PPP2R2B: variants seen among roughly 807,000 people sequenced by gnomAD.
The protein encoded by PPP2R2B is serine/threonine-protein phosphatase 2A 55 kDa regulatory subunit B beta isoform.
A neutral mutation model predicts 46.0 loss-of-function variants in PPP2R2B; 5 were observed. That is an observed-to-expected ratio of 0.11 (90% CI 0.06 to 0.23). The LOEUF (loss-of-function observed/expected upper bound fraction) is 0.23, where lower values mean the gene tolerates loss of function less well. Ranked by LOEUF, PPP2R2B falls within the 10% of genes least tolerant of loss-of-function variation. The pLI is 1.00. For synonymous variants in PPP2R2B, 215 were observed against 206.7 expected, an observed-to-expected ratio of 1.04 and a Z score of -0.34; for missense variants, 367 against 575.0, an observed-to-expected ratio of 0.64 and a Z score of 3.70.
chr5:146,785,661 A>G lies in PPP2R2B; in HGVS notation c.71-84519T>C, dbSNP rs186178289. ...CAAAGGCAAGCAACGGAACTAAAATAATAACTAGCAAAAATCAGAATGGAG... is the reference window on the plus strand; with the variant it reads ...CAAAGGCAAGCAACGGAACTAAAATGATAACTAGCAAAAATCAGAATGGAG... On this transcript the variant is annotated intron_variant, in intron 2 of 9. Transcript: ENST00000394411. 5.9e-5 allele frequency among the ~76,000 whole-genome samples: 9 copies of G among 152,366 alleles called. No individual in the cohort carries two copies. In the East Asian group the frequency reaches 1.5e-3, roughly 26 times the overall value.
chr5:146,654,142 T>G (rs1776168038), intron 5 of PPP2R2B, among the ~76,000 whole-genome samples: 2 of 152,184 alleles, frequency 1.3e-5, no homozygotes, highest in African/African-American at 4.8e-5. Context: ...GAGCTTCTTG[T>G]GCCAGTCACT....
chr5:146,807,267 C>T (rs1757232995), intron 2 of PPP2R2B, among the ~76,000 whole-genome samples: 1 of 152,176 alleles, frequency 6.6e-6, no homozygotes, highest in African/African-American at 2.4e-5. Flanking sequence ...ACATCTATTT[C>T]ATGAGACAGT....
chr5:146,792,358 C>G (rs949846038), intron 2 of PPP2R2B, among the ~76,000 whole-genome samples: 6 of 152,184 alleles, frequency 3.9e-5, no homozygotes, highest in African/African-American at 1.4e-4. Context: ...TCTTCTGAGT[C>G]AATGCCACAT....
chr5:146,947,445 G>A (rs531197230), intron 1 of PPP2R2B, among the ~76,000 whole-genome samples: 1 of 152,150 alleles, frequency 6.6e-6, no homozygotes, highest in Admixed American at 6.5e-5. Flanking sequence ...GTTTTTTCTG[G>A]AACTGTTGGA....
intron 1 of PPP2R2B, among the ~76,000 whole-genome samples, chr5:146,936,013 C>A (rs1764128018): frequency 1.3e-5 from 2 of 152,108 alleles, no homozygotes; most frequent in Admixed American, 6.5e-5. Context: ...TTGTACCTGG[C>A]AGATTGGAGG....
chr5:146,866,790 G>C (rs1462398222), intron 2 of PPP2R2B, among the ~76,000 whole-genome samples: 1 of 152,076 alleles, frequency 6.6e-6, no homozygotes, highest in Non-Finnish European at 1.5e-5. Flanking sequence ...GTATATAGTG[G>C]CTCTTCCTCA....
upstream of PPP2R2B, among the ~76,000 whole-genome samples, chr5:146,879,465 C>T (rs1341724393): frequency 6.6e-6 from 1 of 152,166 alleles, no homozygotes; most frequent in Non-Finnish European, 1.5e-5. Flanking sequence ...ATTGCAGCCT[C>T]TCCGTTAGGT....
chr5:146,701,551 T>C (rs1166132485), intron 2 of PPP2R2B, among the ~76,000 whole-genome samples: 1 of 152,100 alleles, frequency 6.6e-6, no homozygotes, highest in Non-Finnish European at 1.5e-5. Context: ...AAATCAGGGC[T>C]GGGGGCTGTG....
chr5:146,845,305 C>CTTTTCTT (rs1554144636), intron 2 of PPP2R2B, among the ~76,000 whole-genome samples: 2 of 74,074 alleles, frequency 2.7e-5, no homozygotes, highest in South Asian at 4.5e-4. Context: ...TTTTCCTTTT[C>CTTTTCTT]TTTTTTTTGT....
At chr5:146,628,379 T>G (rs1774202729) in intron 7 of PPP2R2B, among the ~76,000 whole-genome samples, 1 of 152,214 alleles carries the variant, frequency 6.6e-6, no homozygotes, top group South Asian at 2.1e-4. Context: ...ATCCTTGGGC[T>G]GCAGACTTGC....
chr5:146,646,259 T>C (rs1775573694), intron 6 of PPP2R2B, among the ~76,000 whole-genome samples: 3 of 152,206 alleles, frequency 2.0e-5, no homozygotes, highest in Admixed American at 2.0e-4. Flanking sequence ...ATAGATCCCA[T>C]GTTGGACAAG....
rs114443054 is a variant in PPP2R2B, at chr5:146,974,154, C to A, written c.79+81511G>T. ...ATTTGAGTTTAAAGGTAAATAACAGCAATAATGCATATTTTAAAAGAACAA... is the reference window on the plus strand; with the variant it reads ...ATTTGAGTTTAAAGGTAAATAACAGAAATAATGCATATTTTAAAAGAACAA... On this transcript the variant is annotated intron_variant, in intron 1 of 8. Coordinates refer to the PPP2R2B transcript ENST00000336640. Among the ~76,000 whole-genome samples, 1,131 of 152,168 alleles carry A rather than the reference C, an allele frequency of 7.4e-3. 12 individuals carry two copies. Among genetic ancestry groups the A allele is most frequent in the African/African-American group, 0.026 (1,081 of 41,538 alleles).
chr5:146,993,913 A>G (rs546011215), intron 1 of PPP2R2B, among the ~76,000 whole-genome samples: 2 of 152,148 alleles, frequency 1.3e-5, no homozygotes, highest in Non-Finnish European at 2.9e-5. Context: ...CAGAATTGCT[A>G]TTTAAGCCAG....
intron 7 of PPP2R2B, among the ~76,000 whole-genome samples, chr5:146,604,997 A>C (rs1251109063): frequency 2.6e-5 from 4 of 152,282 alleles, no homozygotes; most frequent in Non-Finnish European, 5.9e-5. Context: ...TGGAAAGAAC[A>C]TCAGACTCAG....
At position 146,931,172 on chromosome 5, in the gene PPP2R2B, C is replaced by A. The variant is rs118154998; in HGVS notation, c.79+124493G>T. 2.0e-4 allele frequency among the ~76,000 whole-genome samples: 30 copies of A among 152,190 alleles called. No individual in the cohort carries two copies. In the East Asian group the frequency reaches 4.6e-3, roughly 24 times the overall value. ...GGAGGAGAAAGTGATATCTCTGTAA[C>A]GCAAGCCAGAACCTTCCGCAATAAT... On this transcript the variant is annotated intron_variant, in intron 1 of 8. Coordinates refer to the PPP2R2B transcript ENST00000336640.
chr5:146,956,102 A>T (rs750498608), intron 1 of PPP2R2B, among the ~76,000 whole-genome samples: 1 of 152,070 alleles, frequency 6.6e-6, no homozygotes. Context: ...TAAGGAGTCT[A>T]AGAAAATAGT....
chr5:146,707,468 C>A, intron 2 of PPP2R2B: 1 of 752,940 alleles, frequency 1.3e-6, no homozygotes. Context: ...ACCCCGGAAG[C>A]TGCTGCTGCC....
intron 1 of PPP2R2B, among the ~76,000 whole-genome samples, chr5:146,983,356 A>T (rs1753269657): frequency 6.6e-6 from 1 of 151,214 alleles, no homozygotes. Flanking sequence ...AATTTTTTGT[A>T]TTTTTAGTAG....
At chr5:146,700,026 G>A (rs761337207) in intron 3 of PPP2R2B, among the ~76,000 whole-genome samples, 5 of 152,060 alleles carry the variant, frequency 3.3e-5, no homozygotes, top group Admixed American at 1.3e-4. Flanking sequence ...GAACCCCGAG[G>A]GATTACGATG....
Sources: gnomAD v4.1 joint callset for allele counts (sites outside exome capture counted in the v4.1 genomes callset) on GRCh38, gnomAD v4.1.1 for gene constraint, MANE v1.5 for transcripts, NCBI Gene and HGNC (gene_info 2026-07-23, HGNC 2026-07-21) for gene names.